The following EYA4 variants were observed in gnomAD, a reference collection of about 807,000 sequenced individuals.
The protein encoded by EYA4 is protein phosphatase EYA4.
EYA4 carries 31 observed loss-of-function variants against 87.9 expected under a neutral mutation model. The ratio of observed to expected loss-of-function variants is 0.35; its 90% CI spans 0.27 to 0.48. The LOEUF is 0.48. Among genes scored for constraint, EYA4 ranks in the 20% least tolerant of loss-of-function variants. EYA4 has a pLI of 0.99. For synonymous variants in EYA4, 263 were observed against 270.6 expected (o/e 0.97, Z 0.28); for missense variants, 678 against 761.4 (o/e 0.89, Z 1.29).
intron 2 of EYA4, among the ~76,000 whole-genome samples, 177 bp downstream of exon 2, chr6:133,274,990 T>C (rs1777046800): frequency 6.6e-6 from 1 of 152,198 alleles, no homozygotes. Context: ...CGTTTCTGCT[T>C]AATGATGATG....
chr6:133,443,820 G>T (rs1304607448), intron 3 of EYA4, among the ~76,000 whole-genome samples: 6 of 151,906 alleles, frequency 3.9e-5, no homozygotes, highest in Admixed American at 3.9e-4. Flanking sequence ...AAATGTTGGG[G>T]ATTTTTTATA....
intron 2 of EYA4, among the ~76,000 whole-genome samples, chr6:133,317,897 C>T (rs982246257): frequency 1.8e-4 from 28 of 151,970 alleles, no homozygotes; most frequent in African/African-American, 5.8e-4. Flanking sequence ...CTCCATCCCC[C>T]GGTGCCCCAT....
chr6:133,502,213 GT>G (rs767595176), intron 13 of EYA4: 3 of 151,976 alleles, frequency 2.0e-5, no homozygotes, highest in Non-Finnish European at 4.4e-5. Context: ...TTTTGGAACT[GT>G]TATAATATGT....
At chr6:133,330,134 AGT>A (rs1327146303) in intron 2 of EYA4, among the ~76,000 whole-genome samples, 1 of 152,120 alleles carries the variant, frequency 6.6e-6, no homozygotes, top group Non-Finnish European at 1.5e-5. Flanking sequence ...GCTGACTAAA[AGT>A]GGAACGAGCT....
At chr6:133,429,006 A>G (rs1041501629) in intron 3 of EYA4, among the ~76,000 whole-genome samples, 3 of 130,210 alleles carry the variant, frequency 2.3e-5, no homozygotes, top group Non-Finnish European at 4.6e-5. Flanking sequence ...GGCTCACTGC[A>G]ACCTCTACCT....
intron 4 of EYA4, among the ~76,000 whole-genome samples, chr6:133,447,034 C>G (rs990569828): frequency 6.6e-6 from 1 of 152,108 alleles, no homozygotes; most frequent in Non-Finnish European, 1.5e-5. Flanking sequence ...TGTAAATATT[C>G]CACAAACTTT....
rs572610746 is a variant in EYA4, at chr6:133,310,123, T to C, written c.33+35310T>C. ...GAGGTCAATTTTACTTATTTGGCAA[T>C]TTAACGTGAAAGCACTGGGTTGTGT... On this transcript the variant is annotated intron_variant, in intron 2 of 19. Transcript: ENST00000355286. 3.3e-5 allele frequency among the ~76,000 whole-genome samples: 5 copies of C among 152,316 alleles called. No individual in the cohort carries two copies. In the South Asian group the frequency reaches 1.0e-3, roughly 32 times the overall value.
intron 11 of EYA4, among the ~76,000 whole-genome samples, chr6:133,468,951 G>A (rs80258111): frequency 6.6e-6 from 1 of 151,976 alleles, no homozygotes; most frequent in African/African-American, 2.4e-5. Flanking sequence ...TCTAAATGAT[G>A]GTGTACATAT....
At chr6:133,494,272 C>T (rs952335023) in intron 13 of EYA4, among the ~76,000 whole-genome samples, 3 of 152,144 alleles carry the variant, frequency 2.0e-5, no homozygotes, top group African/African-American at 7.2e-5. Context: ...TTTTTAGCAA[C>T]ATGGATGGAA....
chr6:133,413,689 C>T (rs1789450785), intron 3 of EYA4, among the ~76,000 whole-genome samples: 1 of 152,136 alleles, frequency 6.6e-6, no homozygotes, highest in African/African-American at 2.4e-5. Flanking sequence ...TGACCTCTTC[C>T]ATACCCATAG....
intron 3 of EYA4, among the ~76,000 whole-genome samples, chr6:133,393,057 T>C (rs1009607654): frequency 5.3e-5 from 8 of 152,174 alleles, no homozygotes; most frequent in African/African-American, 1.9e-4. Flanking sequence ...ATGTTGTCGA[T>C]TGAGGGCAAC....
chr6:133,464,713 A>G (rs1794697467), intron 9 of EYA4, 66 bp from the exon 10 acceptor site: 1 of 1,036,370 alleles, frequency 9.6e-7, no homozygotes, highest in Non-Finnish European at 1.5e-6. Flanking sequence ...AGAATTCTGC[A>G]AAGTGAAATA....
chr6:133,365,656 G>A (rs1784802583), intron 2 of EYA4, among the ~76,000 whole-genome samples: 1 of 152,092 alleles, frequency 6.6e-6, no homozygotes. Flanking sequence ...AAAGGGAAGG[G>A]CAGAGGAAAC....
At chr6:133,415,314 T>A (rs964672558) in intron 3 of EYA4, among the ~76,000 whole-genome samples, 1 of 152,176 alleles carries the variant, frequency 6.6e-6, no homozygotes, top group African/African-American at 2.4e-5. Flanking sequence ...CCTCCAGTAG[T>A]TCCCCATTCC....
At chr6:133,520,536 A>G (rs2128805356) in intron 17 of EYA4, among the ~76,000 whole-genome samples, 1 of 125,596 alleles carries the variant, frequency 8.0e-6, no homozygotes, top group Non-Finnish European at 1.7e-5. Flanking sequence ...GGAAGAATCA[A>G]TATCGTGAAA....
At position 133,511,930 on chromosome 6, in the gene EYA4, G is replaced by A. The variant is rs191709635; in HGVS notation, c.1282-791G>A. Among the ~76,000 whole-genome samples, 491 of 151,486 alleles carry A rather than the reference G, an allele frequency of 3.2e-3. 2 individuals carry two copies. Among genetic ancestry groups the A allele is most frequent in the Middle Eastern group, 0.027 (8 of 294 alleles). ...CAGGAGGCAGAGCTTGCAGTGAGCC[G>A]AGATCGCGCCACTGCACTCCAACCT... On this transcript the variant is annotated intron_variant, in intron 14 of 19. Transcript: ENST00000355286.
chr6:133,368,931 G>A (rs1044509853), intron 2 of EYA4, among the ~76,000 whole-genome samples: 2 of 152,122 alleles, frequency 1.3e-5, no homozygotes, highest in African/African-American at 2.4e-5. Context: ...AATGACTTCA[G>A]TAAATACTTG....
intron 2 of EYA4, among the ~76,000 whole-genome samples, chr6:133,280,187 A>G (rs1582832025): frequency 6.6e-6 from 1 of 152,264 alleles, no homozygotes; most frequent in East Asian, 1.9e-4. Context: ...ATACTATCCA[A>G]CTGAATAACA....
chr6:133,521,831 T>G, intron 17 of EYA4, among the ~76,000 whole-genome samples: 1 of 127,584 alleles, frequency 7.8e-6, no homozygotes, highest in Admixed American at 8.1e-5. Context: ...TGGATGAAAT[T>G]GGAAATCATC....
Sources: allele counts gnomAD v4.1 joint callset (sites outside exome capture counted in the v4.1 genomes callset), GRCh38; gene constraint gnomAD v4.1.1; transcripts MANE v1.5; gene names NCBI Gene and HGNC (gene_info 2026-07-23, HGNC 2026-07-21).